Variants in SPHKAP observed in about 807,000 individuals in gnomAD.
SPHKAP encodes the protein A-kinase anchor protein SPHKAP.
SPHKAP carries 67 observed loss-of-function variants against 137.5 expected under a neutral mutation model. The ratio of observed to expected loss-of-function variants is 0.49; its 90% CI spans 0.40 to 0.60. The LOEUF is 0.60. Ranked by LOEUF, SPHKAP falls within the 20% of genes least tolerant of loss-of-function variation. The probability of loss-of-function intolerance (pLI) is 0.00; values close to 1 mark genes in which losing one functional copy is unlikely to be tolerated. For synonymous variants in SPHKAP, 813 were observed against 785.3 expected (o/e 1.04, Z -0.59); for missense variants, 2,097 against 2,069.3 (o/e 1.01, Z -0.26).
rs35086647 is a variant in SPHKAP, at chr2:228,140,263, TA to T, written c.33-8179del. ...CACCCGGCCTAGAGTTATTTATTTC[TA>T]AAAAAAAAAAAAATGAGGTATATAT... On this transcript the variant is annotated intron_variant, in intron 1 of 11. Coordinates refer to ENST00000392056, the MANE Select transcript of SPHKAP (RefSeq NM_001142644.2). 1.1e-3 allele frequency among the ~76,000 whole-genome samples: 156 copies of T among 144,364 alleles called. 1 individual carries two copies. The highest frequency in any genetic ancestry group is 2.0e-3 in the East Asian group (10 of 4,940). The allele number at this position is 144,364 out of a possible 152,430, so 94.7% of individuals were successfully genotyped here.
intron 3 of SPHKAP, among the ~76,000 whole-genome samples, chr2:228,054,055 A>G (rs1026070970): frequency 1.3e-5 from 2 of 152,148 alleles, no homozygotes; most frequent in Non-Finnish European, 2.9e-5. Context: ...TTCCTCATTT[A>G]TTGCATTGAA....
At chr2:228,064,809 G>C (rs1696774932) in intron 3 of SPHKAP, among the ~76,000 whole-genome samples, 1 of 152,236 alleles carries the variant, frequency 6.6e-6, no homozygotes, top group Non-Finnish European at 1.5e-5. Context: ...CACTATAGTA[G>C]ATGAAGAAAG....
At position 228,090,738 on chromosome 2, in the gene SPHKAP, C is replaced by CT. The variant is rs1257138576; in HGVS notation, c.246+18093dup. Among the ~76,000 whole-genome samples, 506 of 146,486 alleles carry CT rather than the reference C, an allele frequency of 3.5e-3. 3 individuals carry two copies. The highest frequency in any genetic ancestry group is 7.6e-3 in the African/African-American group (304 of 40,044). Reference sequence around the variant, plus strand: ...AGTTCTCACTCAGTTCATGTGAGATCTTTTTTTTTTTCAAAGGATGAGCAC... The same window carrying CT: ...AGTTCTCACTCAGTTCATGTGAGATCTTTTTTTTTTTTCAAAGGATGAGCAC... On this transcript the variant is annotated intron_variant, in intron 3 of 11. Coordinates refer to ENST00000392056, the MANE Select transcript of SPHKAP (RefSeq NM_001142644.2).
At chr2:228,063,383 G>C (rs4340503) in intron 3 of SPHKAP, among the ~76,000 whole-genome samples, 152,304 of 152,308 alleles carry the variant, frequency 1, 76,150 homozygotes, top group Non-Finnish European at 1. Context: ...CATAAAGAGA[G>C]AGGGTGAATA....
At chr2:228,037,538 G>T (rs1695670025) in intron 3 of SPHKAP, among the ~76,000 whole-genome samples, 1 of 152,070 alleles carries the variant, frequency 6.6e-6, no homozygotes, top group East Asian at 1.9e-4. Context: ...TATGTGGATG[G>T]CTAGCAATCA....
chr2:227,984,070 G>A (rs1478881890), intron 11 of SPHKAP, among the ~76,000 whole-genome samples: 1 of 152,154 alleles, frequency 6.6e-6, no homozygotes, highest in Non-Finnish European at 1.5e-5. Context: ...GGAGGCTGAG[G>A]CAGGCTGATC....
At chr2:228,081,450 A>G (rs1389635287) in intron 3 of SPHKAP, among the ~76,000 whole-genome samples, 1 of 152,226 alleles carries the variant, frequency 6.6e-6, no homozygotes, top group Admixed American at 6.5e-5. Flanking sequence ...TTCGTTCACA[A>G]TCCAAAGGGT....
chr2:228,043,997 A>G (rs989142035), intron 3 of SPHKAP, among the ~76,000 whole-genome samples: 5 of 152,222 alleles, frequency 3.3e-5, no homozygotes, highest in South Asian at 4.1e-4. Flanking sequence ...GATAATTTAT[A>G]TACTTAGAAT....
intron 2 of SPHKAP, among the ~76,000 whole-genome samples, chr2:228,131,505 G>C (rs1384808886): frequency 6.7e-6 from 1 of 150,210 alleles, no homozygotes; most frequent in East Asian, 2.0e-4. Flanking sequence ...TTTTATATCA[G>C]CTCTTAAGTC....
At chr2:228,140,475 C>A (rs1699570933) in intron 1 of SPHKAP, among the ~76,000 whole-genome samples, 1 of 152,096 alleles carries the variant, frequency 6.6e-6, no homozygotes, top group Non-Finnish European at 1.5e-5. Context: ...CTACTTCTAA[C>A]AGAATTTACC....
At chr2:228,096,820 T>C (rs1211908050) in intron 3 of SPHKAP, among the ~76,000 whole-genome samples, 1 of 152,204 alleles carries the variant, frequency 6.6e-6, no homozygotes, top group Admixed American at 6.5e-5. Flanking sequence ...CTTTCTCATT[T>C]CCTAACAAAC....
intron 1 of SPHKAP, among the ~76,000 whole-genome samples, chr2:228,147,762 C>T (rs1374169017): frequency 6.6e-6 from 1 of 152,108 alleles, no homozygotes; most frequent in Admixed American, 6.6e-5. Flanking sequence ...CCTATTTTGC[C>T]CCAATCATTG....
Position 228,017,610 on chromosome 2 carries a change from T to A in SPHKAP, c.3244A>T (p.Ser1082Cys). Residue 1082 changes from serine to cysteine, a missense_variant, in exon 7 of 12, where the codon AGC becomes TGC. Physicochemically the swap from Ser to Cys is moderately radical, Grantham distance 112. Transcript: ENST00000392056. Reference sequence around the variant, plus strand: ...TCTTCCTCAGGAATGCTTTCGCAGCTGGAGGCCTTCAGCCGGCTCCACCTG... The same window carrying A: ...TCTTCCTCAGGAATGCTTTCGCAGCAGGAGGCCTTCAGCCGGCTCCACCTG... ...GDRWSRLKAS[S>C]CESIPEEDSE... is the part of the protein sequence containing the mutation. 1 of 1,613,942 alleles carries A rather than the reference T, an allele frequency of 6.2e-7. No individual in the cohort carries two copies. Among genetic ancestry groups the A allele is most frequent in the Non-Finnish European group, 8.5e-7 (1 of 1,180,032 alleles).
At chr2:228,128,636 A>G (rs13014671) in intron 2 of SPHKAP, among the ~76,000 whole-genome samples, 16,570 of 152,208 alleles carry the variant, frequency 0.11, 1,138 homozygotes, top group East Asian at 0.18. Context: ...TATGACAGTT[A>G]TAGCCTTATT....
intron 3 of SPHKAP, among the ~76,000 whole-genome samples, chr2:228,076,635 A>G (rs1697192112): frequency 6.6e-6 from 1 of 152,204 alleles, no homozygotes; most frequent in African/African-American, 2.4e-5. Flanking sequence ...TATCTGGTGG[A>G]AGAAATTTCT....
chr2:228,086,739 T>A (rs1053665244), intron 3 of SPHKAP, among the ~76,000 whole-genome samples: 1 of 152,128 alleles, frequency 6.6e-6, no homozygotes, highest in Non-Finnish European at 1.5e-5. Flanking sequence ...GTGAAAGAGA[T>A]CTCTGAAGCT....
intron 3 of SPHKAP, among the ~76,000 whole-genome samples, chr2:228,092,174 CACATGT>C (rs1169719709): frequency 9.4e-6 from 1 of 106,538 alleles, no homozygotes; most frequent in African/African-American, 3.6e-5. Context: ...TGTGTACACA[CACATGT>C]GTGTACATGC....
intron 11 of SPHKAP, among the ~76,000 whole-genome samples, chr2:227,988,473 C>A (rs1481055495): frequency 2.0e-5 from 3 of 152,134 alleles, no homozygotes; most frequent in African/African-American, 7.2e-5. Flanking sequence ...TAAACAAATA[C>A]CAAGTCAGGG....
intron 3 of SPHKAP, among the ~76,000 whole-genome samples, chr2:228,098,361 C>T (rs1485866121): frequency 2.6e-5 from 4 of 151,976 alleles, no homozygotes; most frequent in African/African-American, 7.3e-5. Flanking sequence ...TGGAACCAAC[C>T]CAAATGTCCA....
Sources: allele counts gnomAD v4.1 joint callset (sites outside exome capture counted in the v4.1 genomes callset), GRCh38; gene constraint gnomAD v4.1.1; transcripts MANE v1.5; gene names NCBI Gene and HGNC (gene_info 2026-07-23, HGNC 2026-07-21).